Variants in DCDC1 observed in about 807,000 individuals in gnomAD.
The protein encoded by DCDC1 is doublecortin domain-containing protein 1.
A neutral mutation model predicts 178.3 loss-of-function variants in DCDC1; 200 were observed. The ratio of observed to expected loss-of-function variants is 1.12; its 90% CI spans 1.00 to 1.26. The LOEUF (loss-of-function observed/expected upper bound fraction) is 1.26, where lower values mean the gene tolerates loss of function less well. Ranked by LOEUF, DCDC1 falls within the 50% of genes most tolerant of loss-of-function variation. DCDC1 has a pLI of 0.00. For missense variants in DCDC1, 1,983 were observed against 1,749.2 expected, an observed-to-expected ratio of 1.13 and a Z score of -2.38; for synonymous variants, 690 against 604.8, an observed-to-expected ratio of 1.14 and a Z score of -2.07.
chr11:31,355,033 C>G (rs548548087), intron 1 of DCDC1, among the ~76,000 whole-genome samples: 1 of 151,878 alleles, frequency 6.6e-6, no homozygotes, highest in East Asian at 1.9e-4. Context: ...AATATAAACT[C>G]AAATTAGGTA....
intron 15 of DCDC1, among the ~76,000 whole-genome samples, chr11:31,099,572 T>A (rs1210434758): frequency 6.6e-6 from 1 of 152,088 alleles, no homozygotes; most frequent in East Asian, 1.9e-4. Flanking sequence ...AGGAACAGCA[T>A]CTAGTTCAAT....
chr11:31,146,074 T>C lies in DCDC1; in HGVS notation c.1222-8290A>G, dbSNP rs532793438. 6.6e-3 allele frequency among the ~76,000 whole-genome samples: 525 copies of C among 80,038 alleles called. 1 individual carries two copies. The highest frequency in any genetic ancestry group is 0.013 in the Non-Finnish European group (440 of 34,084). The allele number at this position is 80,038 out of a possible 152,430, so 52.5% of individuals were successfully genotyped here. A position where few individuals can be genotyped will look rare whatever the true frequency, so the allele number is the denominator to read the frequency against. ...GTTTAAAGCTTAGTTTAATCCAGTC[T>C]TTTTTTTTTTTTTTTTGAGAAGGAG... On this transcript the variant is annotated intron_variant, in intron 9 of 38. Coordinates refer to ENST00000684477, the MANE Select transcript of DCDC1 (RefSeq NM_001387274.1).
intron 20 of DCDC1, among the ~76,000 whole-genome samples, chr11:31,006,828 T>A (rs73467170): frequency 0.024 from 3,697 of 152,300 alleles, 158 homozygotes; most frequent in African/African-American, 0.081. Flanking sequence ...TCTCTGAGAT[T>A]ATTGTCTTTT....
At chr11:31,022,742 G>A (rs937369599) in intron 20 of DCDC1, among the ~76,000 whole-genome samples, 4 of 142,086 alleles carry the variant, frequency 2.8e-5, no homozygotes, top group South Asian at 2.2e-4. Context: ...TAAATTATTC[G>A]TGTGTGTGTG....
chr11:30,868,760 A>C (rs1941258876), intron 38 of DCDC1, among the ~76,000 whole-genome samples: 2 of 152,170 alleles, frequency 1.3e-5, no homozygotes, highest in South Asian at 4.1e-4. Context: ...CTGCTGAGTA[A>C]ATATGCTCAA....
At chr11:31,069,445 T>C (rs1215568095) in intron 18 of DCDC1, among the ~76,000 whole-genome samples, 1 of 152,182 alleles carries the variant, frequency 6.6e-6, no homozygotes, top group Non-Finnish European at 1.5e-5. Flanking sequence ...CTGAAAAGAA[T>C]GTGATGGGTA....
chr11:31,339,174 C>T (rs1052362554), intron 1 of DCDC1, among the ~76,000 whole-genome samples: 3 of 152,118 alleles, frequency 2.0e-5, no homozygotes, highest in African/African-American at 7.2e-5. Context: ...ATGAATTTTC[C>T]TATGTGCTAT....
chr11:31,114,622 A>G (rs1189657680), intron 11 of DCDC1, among the ~76,000 whole-genome samples: 2 of 152,198 alleles, frequency 1.3e-5, no homozygotes, highest in Non-Finnish European at 2.9e-5. Flanking sequence ...TGCCAGAGCA[A>G]TGAAGCAAGA....
chr11:31,206,392 G>C (rs1054791545), intron 9 of DCDC1, among the ~76,000 whole-genome samples: 1 of 151,936 alleles, frequency 6.6e-6, no homozygotes, highest in Admixed American at 6.6e-5. Context: ...CTCAATCTAA[G>C]GTCCATGGAT....
At chr11:30,997,539 G>T (rs905673355) in intron 20 of DCDC1, among the ~76,000 whole-genome samples, 8 of 152,086 alleles carry the variant, frequency 5.3e-5, no homozygotes, top group Non-Finnish European at 8.8e-5. Context: ...AAGACAAAAA[G>T]AATTGTATAT....
At chr11:30,903,017 G>C (rs1944806970) in intron 32 of DCDC1, among the ~76,000 whole-genome samples, 1 of 152,118 alleles carries the variant, frequency 6.6e-6, no homozygotes, top group South Asian at 2.1e-4. Context: ...CAGAGACAGG[G>C]AAGGGGACTT....
chr11:30,927,925 G>A (rs1186593618), intron 22 of DCDC1, among the ~76,000 whole-genome samples: 2 of 149,160 alleles, frequency 1.3e-5, no homozygotes, highest in South Asian at 4.3e-4. Context: ...TTCTTGATTT[G>A]GTAAAAAAAT....
intron 8 of DCDC1, among the ~76,000 whole-genome samples, chr11:31,259,052 C>T (rs568807477): frequency 1.3e-5 from 2 of 152,218 alleles, no homozygotes; most frequent in South Asian, 2.1e-4. Context: ...GAATGAAACA[C>T]TCTCACTCTC....
chr11:30,915,612 C>A lies in DCDC1; in HGVS notation c.3552G>T (p.Leu1184Phe). Residue 1184 changes from leucine (L) to phenylalanine (F), a missense_variant, in exon 27 of 39, where the codon TTG (leucine) becomes TTT (phenylalanine). Leu to Phe is a conservative substitution (Grantham distance 22). Transcript: ENST00000684477. ...ATCGGAGATTGGGACCTTGAACCCCCAAGACTAGCTGAGGAGCAGCATGGC... is the reference window on the plus strand; with the variant it reads ...ATCGGAGATTGGGACCTTGAACCCCAAAGACTAGCTGAGGAGCAGCATGGC... ...IISHAAPQLV[L>F]GVQGPNLRSG... The A allele has an allele frequency of 6.2e-7, 1 of 1,613,974 alleles. No individual in the cohort carries two copies. Among genetic ancestry groups the A allele is most frequent in the South Asian group, 1.1e-5 (1 of 91,086 alleles).
Position 31,176,416 on chromosome 11 carries a change from G to A in DCDC1, c.1222-38632C>T, listed in dbSNP as rs530385466. Among the ~76,000 whole-genome samples, 3 of 152,138 alleles carry A rather than the reference G, an allele frequency of 2.0e-5. No homozygotes were observed. The South Asian group carries it at 6.2e-4, about 32-fold the overall frequency. On this transcript the variant is annotated intron_variant, in intron 9 of 38. Coordinates refer to ENST00000684477, the MANE Select transcript of DCDC1 (RefSeq NM_001387274.1). ...GTCTTATAGAACATCGTTAAACAAA[G>A]AAATATTCACATTATAGGAATACCA...
At position 31,336,042 on chromosome 11, in the gene DCDC1, A is replaced by G. The variant is rs1326842808; in HGVS notation, c.-124-478T>C. ...TCAGTTAACAAAGCAGAAAAAAACCATTGTGCCCTATGCAGCTTACTTTCA... is the reference window on the plus strand; with the variant it reads ...TCAGTTAACAAAGCAGAAAAAAACCGTTGTGCCCTATGCAGCTTACTTTCA... On this transcript the variant is annotated intron_variant, in intron 1 of 38. Coordinates refer to ENST00000684477, the MANE Select transcript of DCDC1 (RefSeq NM_001387274.1). Among the ~76,000 whole-genome samples the G allele has an allele frequency of 4.6e-5, 7 of 152,246 alleles. No homozygotes were observed. The East Asian group carries it at 1.3e-3, about 29-fold the overall frequency.
chr11:31,032,009 CT>C (rs534610320), intron 20 of DCDC1, among the ~76,000 whole-genome samples: 1 of 152,214 alleles, frequency 6.6e-6, no homozygotes, highest in South Asian at 2.1e-4. Flanking sequence ...AATGATACCT[CT>C]GCATATAAAC....
At chr11:31,130,826 G>A (rs1438518962) in intron 10 of DCDC1, among the ~76,000 whole-genome samples, 2 of 152,116 alleles carry the variant, frequency 1.3e-5, no homozygotes, top group African/African-American at 4.8e-5. Flanking sequence ...ATGGAAGGCA[G>A]AGACAATACA....
intron 9 of DCDC1, among the ~76,000 whole-genome samples, chr11:31,201,750 G>T (rs1265453400): frequency 6.6e-6 from 1 of 152,028 alleles, no homozygotes; most frequent in Non-Finnish European, 1.5e-5. Flanking sequence ...TGTGAAATTT[G>T]CAAGAGTTGG....
Sources: allele counts gnomAD v4.1 joint callset (sites outside exome capture counted in the v4.1 genomes callset), GRCh38; gene constraint gnomAD v4.1.1; transcripts MANE v1.5; gene names NCBI Gene and HGNC (gene_info 2026-07-23, HGNC 2026-07-21).